AKAP7: variants seen among roughly 807,000 people sequenced by gnomAD.
AKAP7 encodes the protein A-kinase anchoring protein 7, also known as A kinase (PRKA) anchor protein 7.
Under a neutral mutation model 39.5 loss-of-function variants are expected in AKAP7, and 39 were observed. The ratio of observed to expected loss-of-function variants is 0.99; its 90% CI spans 0.76 to 1.29. The LOEUF is 1.29. AKAP7 is among the 50% of genes most tolerant of loss of function. The pLI, the probability that AKAP7 is intolerant of heterozygous loss-of-function variation, is 0.00. For synonymous variants in AKAP7, 140 were observed against 139.1 expected (o/e 1.01, Z -0.05); for missense variants, 414 against 407.7 (o/e 1.02, Z -0.13).
chr6:131,196,457 T>G (rs995667265), intron 5 of AKAP7, among the ~76,000 whole-genome samples: 1 of 152,010 alleles, frequency 6.6e-6, no homozygotes. Flanking sequence ...AGAGACGAGG[T>G]TTCACCATGT....
At chr6:131,153,022 C>T (rs1355334848) in intron 2 of AKAP7, among the ~76,000 whole-genome samples, 8 of 146,778 alleles carry the variant, frequency 5.5e-5, no homozygotes, top group Middle Eastern at 4.0e-3. Flanking sequence ...CCTAGCTACT[C>T]GGGAGGCTGA....
chr6:131,172,597 G>C (rs1469020672), intron 5 of AKAP7, among the ~76,000 whole-genome samples: 1 of 151,910 alleles, frequency 6.6e-6, no homozygotes, highest in African/African-American at 2.4e-5. Flanking sequence ...TAAAGTGTTG[G>C]GATTACAGGC....
At chr6:131,134,363 TC>T (rs1800400801), upstream of AKAP7, among the ~76,000 whole-genome samples, 2 of 152,234 alleles carry the variant, frequency 1.3e-5, no homozygotes, top group Admixed American at 6.5e-5. Context: ...TCAAAGTTGT[TC>T]CTGAGTCTTT....
chr6:131,169,038 G>T, intron 4 of AKAP7, 75 bp from the exon 5 acceptor site: 2 of 1,272,702 alleles, frequency 1.6e-6, no homozygotes, highest in Admixed American at 2.2e-5. Context: ...TCTAAAACTG[G>T]TACTTTGTAT....
upstream of AKAP7, among the ~76,000 whole-genome samples, chr6:131,132,245 G>A (rs1800344634): frequency 6.6e-6 from 1 of 151,730 alleles, no homozygotes; most frequent in Non-Finnish European, 1.5e-5. Flanking sequence ...CCCGGGAGGC[G>A]GAGCTTGCAG....
chr6:131,244,236 C>T (rs1182851295), intron 7 of AKAP7, among the ~76,000 whole-genome samples: 2 of 152,120 alleles, frequency 1.3e-5, no homozygotes, highest in South Asian at 2.1e-4. Context: ...TGCTGGGCTC[C>T]TTCCAGCTCC....
At chr6:131,264,293 G>A (rs989632232) in intron 7 of AKAP7, among the ~76,000 whole-genome samples, 2 of 152,280 alleles carry the variant, frequency 1.3e-5, no homozygotes, top group East Asian at 1.9e-4. Flanking sequence ...ATTCAGTTTG[G>A]TGCATCTAGA....
chr6:131,205,149 T>C (rs1372982131), intron 6 of AKAP7, among the ~76,000 whole-genome samples: 1 of 152,134 alleles, frequency 6.6e-6, no homozygotes, highest in Admixed American at 6.5e-5. Flanking sequence ...TTATTGTCTA[T>C]AGGAGGTATA....
intron 7 of AKAP7, among the ~76,000 whole-genome samples, chr6:131,221,184 C>T (rs1255059849): frequency 6.6e-6 from 1 of 152,128 alleles, no homozygotes; most frequent in Non-Finnish European, 1.5e-5. Context: ...GTGAATTAGC[C>T]TTATTGCTGA....
At chr6:131,126,673 T>C in the AKAP7 span, among the ~76,000 whole-genome samples, 6 of 152,192 alleles carry the variant, frequency 3.9e-5, no homozygotes, top group Non-Finnish European at 7.3e-5. Flanking sequence ...ATTAATATAC[T>C]TAGAATTAAA....
chr6:131,224,566 A>G (rs936912304), intron 7 of AKAP7, among the ~76,000 whole-genome samples: 1 of 152,052 alleles, frequency 6.6e-6, no homozygotes, highest in South Asian at 2.1e-4. Flanking sequence ...AGCCCTCATT[A>G]GATTTGCATA....
intron 7 of AKAP7, among the ~76,000 whole-genome samples, chr6:131,236,628 G>C (rs1454388439): frequency 1.3e-5 from 2 of 152,238 alleles, no homozygotes; most frequent in South Asian, 2.1e-4. Flanking sequence ...CATGTCCCTT[G>C]TAAGTTGGAT....
intron 7 of AKAP7, among the ~76,000 whole-genome samples, chr6:131,236,600 C>A (rs574156779): frequency 2.0e-5 from 3 of 152,250 alleles, no homozygotes; most frequent in Non-Finnish European, 2.9e-5. Flanking sequence ...GTTTGTAGTT[C>A]TCCTTGAAGA....
At chr6:131,207,447 G>A (rs899516563) in intron 6 of AKAP7, among the ~76,000 whole-genome samples, 2 of 146,014 alleles carry the variant, frequency 1.4e-5, no homozygotes, top group Non-Finnish European at 3.0e-5. Context: ...AGCCTCCTGA[G>A]TAGCTGGGAC....
chr6:131,180,493 C>A lies in AKAP7; in HGVS notation c.589+11220C>A, dbSNP rs60769921. Among the ~76,000 whole-genome samples, 1,212 of 152,320 alleles carry A rather than the reference C, an allele frequency of 8.0e-3. 17 individuals carry two copies. Among genetic ancestry groups the A allele is most frequent in the African/African-American group, 0.028 (1,157 of 41,566 alleles). On this transcript the variant is annotated intron_variant, in intron 5 of 7. Coordinates refer to ENST00000431975, the MANE Select transcript of AKAP7 (RefSeq NM_016377.4). ...ATCTCCTGCTAGCTTCTTCATTGTA[C>A]CTTTCCTACTCAGAATCTTTAAAAG...
intron 5 of AKAP7, among the ~76,000 whole-genome samples, chr6:131,179,926 TATTC>T: frequency 6.6e-6 from 1 of 152,266 alleles, no homozygotes; most frequent in South Asian, 2.1e-4. Context: ...TGTTAATAAG[TATTC>T]ATCAAAAGAA....
At chr6:131,155,083 A>G (rs963678081) in intron 2 of AKAP7, among the ~76,000 whole-genome samples, 10 of 151,830 alleles carry the variant, frequency 6.6e-5, no homozygotes, top group Admixed American at 3.3e-4. Flanking sequence ...GTACAGTGGC[A>G]TGATCATAGC....
intron 6 of AKAP7, among the ~76,000 whole-genome samples, chr6:131,207,491 A>ATATTTTTTTTTTTTTTTTTT (rs1554211848): frequency 1.8e-4 from 14 of 78,792 alleles, no homozygotes; most frequent in African/African-American, 7.0e-4. Flanking sequence ...GCTAATTAAA[A>ATATTTTTTTTTTTTTTTTTT]TTTTTTTTTT....
At chr6:131,257,680 C>T (rs764759293) in intron 7 of AKAP7, among the ~76,000 whole-genome samples, 1 of 152,118 alleles carries the variant, frequency 6.6e-6, no homozygotes, top group Non-Finnish European at 1.5e-5. Context: ...GAAAGGCTGT[C>T]ATCCTAAGAT....
Sources: gnomAD v4.1 joint callset for allele counts (sites outside exome capture counted in the v4.1 genomes callset) on GRCh38, gnomAD v4.1.1 for gene constraint, MANE v1.5 for transcripts, NCBI Gene and HGNC (gene_info 2026-07-23, HGNC 2026-07-21) for gene names.